Variants in ACER3 observed in about 807,000 individuals in gnomAD.
ACER3 encodes alkCDase 3.
Under a neutral mutation model 48.9 loss-of-function variants are expected in ACER3, and 16 were observed. That is an observed-to-expected ratio of 0.33 (90% CI 0.22 to 0.50). The LOEUF is 0.50. Ranked by LOEUF, ACER3 falls within the 20% of genes least tolerant of loss-of-function variation. ACER3 has a pLI of 0.98. For missense variants in ACER3, 227 were observed against 326.0 expected, an observed-to-expected ratio of 0.70 and a Z score of 2.34; for synonymous variants, 109 against 107.8, an observed-to-expected ratio of 1.01 and a Z score of -0.07.
At chr11:76,994,097 C>T (rs1186038760) in intron 6 of ACER3, 2 of 442,620 alleles carry the variant, frequency 4.5e-6, no homozygotes, top group Non-Finnish European at 8.9e-6. Flanking sequence ...TTTCCTATAA[C>T]ATTTATTTTA....
chr11:77,009,482 A>C (rs1345425069), intron 7 of ACER3, among the ~76,000 whole-genome samples: 2 of 152,180 alleles, frequency 1.3e-5, no homozygotes, highest in African/African-American at 4.8e-5. Flanking sequence ...CCAAAGAAGG[A>C]GCTGCAAACT....
intron 2 of ACER3, among the ~76,000 whole-genome samples, chr11:76,939,215 C>G (rs1446120294): frequency 6.6e-6 from 1 of 152,122 alleles, no homozygotes; most frequent in Non-Finnish European, 1.5e-5. Flanking sequence ...CAAGAGTCAT[C>G]AGTGAATATA....
chr11:76,982,540 TC>T (rs200030339), intron 4 of ACER3, among the ~76,000 whole-genome samples: 24 of 151,982 alleles, frequency 1.6e-4, no homozygotes, highest in East Asian at 5.8e-4. Context: ...TAGCTTTTTT[TC>T]TTTTTGAATT....
chr11:76,921,781 T>C (rs186702289), intron 1 of ACER3, among the ~76,000 whole-genome samples: 1 of 152,330 alleles, frequency 6.6e-6, no homozygotes. Flanking sequence ...TGTGTTTTGA[T>C]GCTATTGCAA....
chr11:76,968,157 CAGAG>C (rs1229727546), intron 3 of ACER3, among the ~76,000 whole-genome samples: 14 of 151,682 alleles, frequency 9.2e-5, no homozygotes, highest in African/African-American at 3.1e-4. Context: ...AACAGACAAA[CAGAG>C]AGCCAAATCA....
chr11:76,972,955 C>T (rs942845383), intron 3 of ACER3, among the ~76,000 whole-genome samples: 4 of 152,254 alleles, frequency 2.6e-5, no homozygotes, highest in Non-Finnish European at 5.9e-5. Flanking sequence ...AGGTGCCCGA[C>T]AGTAACTGAT....
intron 2 of ACER3, among the ~76,000 whole-genome samples, chr11:76,948,804 C>G (rs912816481): frequency 4.6e-5 from 7 of 152,154 alleles, no homozygotes; most frequent in South Asian, 2.1e-4. Flanking sequence ...CTAATTATGT[C>G]ATCTTTGTAC....
intron 3 of ACER3, among the ~76,000 whole-genome samples, chr11:76,971,835 C>G (rs1354914928): frequency 1.3e-5 from 2 of 151,568 alleles, no homozygotes; most frequent in African/African-American, 4.8e-5. Flanking sequence ...AGATGGTAGC[C>G]TTTGGTAAAT....
chr11:77,002,679 T>G (rs1555020088), intron 7 of ACER3, among the ~76,000 whole-genome samples: 1 of 152,234 alleles, frequency 6.6e-6, no homozygotes, highest in African/African-American at 2.4e-5. Context: ...GTGTTAACTC[T>G]TCTTTAAATG....
intron 3 of ACER3, among the ~76,000 whole-genome samples, chr11:76,966,519 C>G (rs1294618703): frequency 6.6e-6 from 1 of 151,032 alleles, no homozygotes. Flanking sequence ...CTTTTCAGCA[C>G]CACACCACCC....
chr11:76,889,417 C>T (rs1351740879), intron 1 of ACER3, among the ~76,000 whole-genome samples: 1 of 152,016 alleles, frequency 6.6e-6, no homozygotes, highest in Non-Finnish European at 1.5e-5. Flanking sequence ...TGTCACATTG[C>T]TTAATAGCTA....
At chr11:76,924,672 T>C (rs1161552821) in intron 1 of ACER3, among the ~76,000 whole-genome samples, 1 of 152,118 alleles carries the variant, frequency 6.6e-6, no homozygotes, top group Non-Finnish European at 1.5e-5. Flanking sequence ...CTATATTTTC[T>C]CAATAAAGTC....
chr11:76,979,585 A>G (rs1282181934), intron 4 of ACER3, among the ~76,000 whole-genome samples: 1 of 151,362 alleles, frequency 6.6e-6, no homozygotes, highest in Non-Finnish European at 1.5e-5. Flanking sequence ...CCCAGGAGGC[A>G]GAAGCTGCAG....
intron 6 of ACER3, 88 bp from the exon 7 acceptor site, chr11:76,998,675 A>T: frequency 2.4e-6 from 2 of 830,912 alleles, no homozygotes; most frequent in Non-Finnish European, 3.8e-6. Context: ...ATTTACATTT[A>T]ATTGGGAAGG....
chr11:77,002,336 A>G (rs1555020020), intron 7 of ACER3, among the ~76,000 whole-genome samples: 2 of 152,156 alleles, frequency 1.3e-5, no homozygotes, highest in Non-Finnish European at 2.9e-5. Context: ...ATTTTGTCAA[A>G]TGCTTTTTCA....
intron 1 of ACER3, among the ~76,000 whole-genome samples, chr11:76,867,235 A>G (rs559968979): frequency 3.6e-4 from 54 of 152,026 alleles, no homozygotes; most frequent in African/African-American, 1.2e-3. Context: ...TTGGGAGGCC[A>G]AAGCAGACAG....
intron 6 of ACER3, among the ~76,000 whole-genome samples, chr11:76,993,065 C>T (rs1948836084): frequency 2.0e-5 from 3 of 152,128 alleles, no homozygotes; most frequent in South Asian, 2.1e-4. Context: ...TGGGTTTTAC[C>T]GTGTTGCCCG....
rs149589077 is a variant in ACER3, at chr11:77,025,392, TTATA to T, written c.*5081_*5084del. The T allele has an allele frequency of 2.2e-5, 3 of 135,850 alleles. No homozygotes were observed. The highest frequency in any genetic ancestry group is 3.1e-5 in the African/African-American group (1 of 32,250). The allele number at this position is 135,850 out of a possible 1,614,324, so 8.4% of individuals were successfully genotyped here. A position where few individuals can be genotyped will look rare whatever the true frequency, so the allele number is the denominator to read the frequency against. ...TGGTTATTTTATTTTATTTTATTCT[TTATA>T]TATATATATATATATTTATTTATTT... On this transcript the variant is annotated 3_prime_UTR_variant, in exon 11 of 11. Transcript: ENST00000532485.
chr11:76,952,742 C>T (rs1177806872), intron 2 of ACER3, among the ~76,000 whole-genome samples: 2 of 147,190 alleles, frequency 1.4e-5, no homozygotes, highest in East Asian at 2.0e-4. Flanking sequence ...TCTCAACTCA[C>T]TGTAACCTCC....
Sources: allele counts gnomAD v4.1 joint callset (sites outside exome capture counted in the v4.1 genomes callset), GRCh38; gene constraint gnomAD v4.1.1; transcripts MANE v1.5; gene names NCBI Gene and HGNC (gene_info 2026-07-23, HGNC 2026-07-21).